The following ZNF470 variants were observed in gnomAD, a reference collection of about 807,000 sequenced individuals.
The protein encoded by ZNF470 is chondrogenesis zinc finger protein 1.
In ZNF470, 13 loss-of-function variants were observed where a neutral mutation model predicts 13.9. The observed-to-expected ratio is 0.94, with a 90% CI of 0.61 to 1.49. The LOEUF is 1.49. ZNF470 is among the 40% of genes most tolerant of loss of function. ZNF470 has a pLI of 0.00. For missense variants in ZNF470, 929 were observed against 857.3 expected (o/e 1.08, Z -1.04); for synonymous variants, 293 against 282.9 (o/e 1.04, Z -0.36).
chr19:56,574,147 C>T (rs961691147), intron 3 of ZNF470: 17 of 638,176 alleles, frequency 2.7e-5, no homozygotes, highest in Non-Finnish European at 3.5e-5. Context: ...TGTATTCTCG[C>T]CACCTAGAAT....
In ZNF470 at chr19:56,579,537, C is replaced by T. The variant is rs2044519712; in HGVS notation, c.*954C>T. Reference sequence around the variant, plus strand: ...TGAATAGATTAATAGCCATGAAACACTGAAAAGGGTAGTTCAATACTTTGG... The same window carrying T: ...TGAATAGATTAATAGCCATGAAACATTGAAAAGGGTAGTTCAATACTTTGG... On this transcript the variant is annotated 3_prime_UTR_variant, in exon 6 of 6. Coordinates refer to ENST00000330619, the MANE Select transcript of ZNF470 (RefSeq NM_001001668.4). 1 of 985,382 alleles carries T rather than the reference C, an allele frequency of 1.0e-6. No homozygotes were observed. Among genetic ancestry groups the T allele is most frequent in the Middle Eastern group, 5.2e-4 (1 of 1,914 alleles). The allele number at this position is 985,382 out of a possible 1,614,324, so 61.0% of individuals were successfully genotyped here. A position where few individuals can be genotyped will look rare whatever the true frequency, so the allele number is the denominator to read the frequency against.
In ZNF470 at chr19:56,580,313, GT is replaced by G; in HGVS notation, c.*1732del. ...GTTTAACAGAGATCATGGCAGTTAT[GT>G]TCACTCATATAAATGTTGATTTAGA... is the stretch of plus-strand genomic sequence containing the variant. On this transcript the variant is annotated 3_prime_UTR_variant, in exon 6 of 6. Coordinates refer to ENST00000330619, the MANE Select transcript of ZNF470 (RefSeq NM_001001668.4). 3.6e-6 allele frequency: 1 copy of G among 279,564 alleles called. No individual in the cohort carries two copies. Among genetic ancestry groups the G allele is most frequent in the Non-Finnish European group, 5.4e-6 (1 of 185,232 alleles). 17.3% of individuals were successfully genotyped at this position (279,564 alleles called of 1,614,324 possible).
At position 56,574,478 on chromosome 19, in the gene ZNF470, A is replaced by G. The variant is rs755303986; in HGVS notation, c.145A>G (p.Lys49Glu). 5 of 1,613,946 alleles carry G rather than the reference A, an allele frequency of 3.1e-6. No homozygotes were observed. Among genetic ancestry groups the G allele is most frequent in the Non-Finnish European group, 4.2e-6 (5 of 1,179,820 alleles). ...WLNLAQRSLYKKVMLENYRNL... is the reference protein window; with the variant it reads ...WLNLAQRSLYEKVMLENYRNL... The stretch of plus-strand genomic sequence containing the variant: ...GAATCTTGCTCAGAGAAGTTTGTAC[A>G]AGAAGGTGATGTTAGAAAACTACAG... Residue 49 changes from lysine (K) to glutamate (E), a missense_variant, in exon 4 of 6, where the codon AAG becomes GAG. Coordinates refer to ENST00000330619, the MANE Select transcript of ZNF470 (RefSeq NM_001001668.4).
intron 2 of ZNF470, among the ~76,000 whole-genome samples, chr19:56,569,805 A>G (rs988933124): frequency 6.6e-6 from 1 of 151,962 alleles, no homozygotes; most frequent in Non-Finnish European, 1.5e-5. Flanking sequence ...ATTGGGCAAT[A>G]TAGTGAGACC....
Position 56,579,073 on chromosome 19 carries a change from T to C in ZNF470, c.*490T>C, listed in dbSNP as rs974887093. The C allele has an allele frequency of 5.1e-6, 5 of 985,574 alleles. No homozygotes were observed. In the African/African-American group the frequency reaches 7.0e-5, roughly 14 times the overall value. 61.1% of individuals were successfully genotyped at this position (985,574 alleles called of 1,614,324 possible). A position where few individuals can be genotyped will look rare whatever the true frequency, so the allele number is the denominator to read the frequency against. Reference sequence around the variant, plus strand: ...CTTATCACTCCCTCTGTGACATTGTTGATGAGCAACTCTCACTTTACCTGA... The same window carrying C: ...CTTATCACTCCCTCTGTGACATTGTCGATGAGCAACTCTCACTTTACCTGA... On this transcript the variant is annotated 3_prime_UTR_variant, in exon 6 of 6. Coordinates refer to ENST00000330619, the MANE Select transcript of ZNF470 (RefSeq NM_001001668.4).
intron 3 of ZNF470, among the ~76,000 whole-genome samples, chr19:56,573,051 A>C (rs2044466334): frequency 1.3e-5 from 2 of 152,244 alleles, no homozygotes; most frequent in Admixed American, 6.5e-5. Context: ...TTAACTAAAC[A>C]GAACAGTATT....
rs1339720442 is a variant in ZNF470, at chr19:56,578,457, C to G, written c.2028C>G (p.Pro676=). The G allele has an allele frequency of 6.2e-7, 1 of 1,612,608 alleles. No individual in the cohort carries two copies. Among genetic ancestry groups the G allele is most frequent in the Non-Finnish European group, 8.5e-7 (1 of 1,179,342 alleles). ...LHKRIHTGER[P]YECKECGKAF... Reference sequence around the variant, plus strand: ...AGAGAATTCATACTGGAGAAAGGCCCTATGAGTGTAAAGAATGTGGAAAAG... The same window carrying G: ...AGAGAATTCATACTGGAGAAAGGCCGTATGAGTGTAAAGAATGTGGAAAAG... The change falls in exon 6 of 6, where the codon CCC becomes CCG. Residue 676 remains proline (P), a synonymous_variant. Transcript: ENST00000330619.
In ZNF470 at chr19:56,576,761, T is replaced by C. The variant is rs2044491230; in HGVS notation, c.332T>C (p.Ile111Thr). The change falls in exon 6 of 6, where the codon ATT becomes ACT. Residue 111 changes from isoleucine to threonine, a missense_variant. Ile to Thr is a moderately conservative substitution (Grantham distance 89, BLOSUM62 -1). Coordinates refer to ENST00000330619, the MANE Select transcript of ZNF470 (RefSeq NM_001001668.4). ...VTKSLSLNQD[I>T]YEEKLPPAII... ...AAATCATTATCTTTAAACCAGGATATTTATGAAGAAAAATTACCCCCGGCA... is the reference window on the plus strand; with the variant it reads ...AAATCATTATCTTTAAACCAGGATACTTATGAAGAAAAATTACCCCCGGCA... 6.6e-7 allele frequency: 1 copy of C among 1,520,806 alleles called. No homozygotes were observed. Among genetic ancestry groups the C allele is most frequent in the East Asian group, 2.3e-5 (1 of 43,866 alleles). The allele number at this position is 1,520,806 out of a possible 1,614,324, so 94.2% of individuals were successfully genotyped here. A position where few individuals can be genotyped will look rare whatever the true frequency, so the allele number is the denominator to read the frequency against.
rs1374856392 is a variant in ZNF470, at chr19:56,581,184, A to G, written c.*2601A>G. On this transcript the variant is annotated 3_prime_UTR_variant, in exon 6 of 6. Coordinates refer to ENST00000330619, the MANE Select transcript of ZNF470 (RefSeq NM_001001668.4). Reference sequence around the variant, plus strand: ...CTATTACAAACCAATAATAATCTGCAACTTAGAAAAATGGACTAATGTCCC... The same window carrying G: ...CTATTACAAACCAATAATAATCTGCGACTTAGAAAAATGGACTAATGTCCC... The G allele has an allele frequency of 1.4e-6, 1 of 731,408 alleles. No individual in the cohort carries two copies. Among genetic ancestry groups the G allele is most frequent in the African/African-American group, 1.9e-5 (1 of 51,868 alleles). 45.3% of individuals were successfully genotyped at this position (731,408 alleles called of 1,614,324 possible).
At chr19:56,574,318 C>G (rs775259782) in intron 3 of ZNF470, 76 bp from the exon 4 acceptor site, 11 of 1,603,958 alleles carry the variant, frequency 6.9e-6, no homozygotes, top group Non-Finnish European at 8.5e-6. Context: ...AAAGTGAGAA[C>G]AGCATAACTC....
rs532733663 is a variant in ZNF470 at position 56,577,170 on chromosome 19, A to G, written c.741A>G (p.Gln247=). The change falls in exon 6 of 6, where the codon CAA becomes CAG. Residue 247 remains glutamine, a synonymous_variant. Transcript: ENST00000330619. The stretch of plus-strand genomic sequence containing the variant: ...AAATCTCAACCCTTACTCTTCACCA[A>G]AGAATTCATACAGGAGAGAAACCCT... ...FSKISTLTLH[Q]RIHTGEKPYE... The G allele has an allele frequency of 5.3e-5, 86 of 1,613,462 alleles. No homozygotes were observed. The highest frequency in any genetic ancestry group is 6.4e-5 in the Non-Finnish European group (76 of 1,179,846).
chr19:56,576,846 G>A lies in ZNF470; in HGVS notation c.417G>A (p.Trp139Ter). Reference protein sequence around the residue: ...DLECSTLGKNWKCEDLFEREL... With the variant: ...DLECSTLGKN ...AATGTTCAACATTAGGGAAAAACTG[G>A]AAATGTGAAGACTTGTTTGAGAGGG... The change falls in exon 6 of 6, where the codon TGG becomes TGA. Residue 139 changes from tryptophan (W) to a stop codon, truncating the protein, a stop_gained. Coordinates refer to ENST00000330619, the MANE Select transcript of ZNF470 (RefSeq NM_001001668.4). LOFTEE classifies it low-confidence loss of function (END_TRUNC). 1 of 1,591,670 alleles carries A rather than the reference G, an allele frequency of 6.3e-7. No individual in the cohort carries two copies. Among genetic ancestry groups the A allele is most frequent in the South Asian group, 1.2e-5 (1 of 86,950 alleles).
Position 56,574,257 on chromosome 19 carries a change from G to A in ZNF470, c.61-137G>A, listed in dbSNP as rs374906367. On this transcript the variant is annotated intron_variant, in intron 3 of 5. Coordinates refer to ENST00000330619, the MANE Select transcript of ZNF470 (RefSeq NM_001001668.4). ...AGTTGTCCAATAACTTACCTGACCC[G>A]GATCATTTAGACCCTTAGTGCAGTT... The A allele has an allele frequency of 1.5e-5, 20 of 1,351,670 alleles. No homozygotes were observed. In the Middle Eastern group the frequency reaches 7.2e-4, roughly 49 times the overall value. 83.7% of individuals were successfully genotyped at this position (1,351,670 alleles called of 1,614,324 possible).
rs2044524270 is a variant in ZNF470, at chr19:56,580,101, A to G, written c.*1518A>G. The G allele has an allele frequency of 2.1e-6, 2 of 958,020 alleles. No individual in the cohort carries two copies. Among genetic ancestry groups the G allele is most frequent in the Non-Finnish European group, 2.5e-6 (2 of 805,152 alleles). 59.3% of individuals were successfully genotyped at this position (958,020 alleles called of 1,614,324 possible). A position where few individuals can be genotyped will look rare whatever the true frequency, so the allele number is the denominator to read the frequency against. ...GATATGTCCCATAAAGAGAAATGAT[A>G]TAAAAAAGAAGCTAGGGAGTGCTGG... On this transcript the variant is annotated 3_prime_UTR_variant, in exon 6 of 6. Coordinates refer to ENST00000330619, the MANE Select transcript of ZNF470 (RefSeq NM_001001668.4).
Position 56,578,587 on chromosome 19 carries a change from C to G in ZNF470, c.*4C>G. ...CCCATACCACCAAGTCCTATAGATT[C>G]AATCTCGTAAATGCTTCTAGCATCC... On this transcript the variant is annotated 3_prime_UTR_variant, in exon 6 of 6. Coordinates refer to ENST00000330619, the MANE Select transcript of ZNF470 (RefSeq NM_001001668.4). The G allele has an allele frequency of 6.6e-7, 1 of 1,510,256 alleles. No homozygotes were observed. Among genetic ancestry groups the G allele is most frequent in the South Asian group, 1.4e-5 (1 of 72,784 alleles). The allele number at this position is 1,510,256 out of a possible 1,614,324, so 93.6% of individuals were successfully genotyped here. A position where few individuals can be genotyped will look rare whatever the true frequency, so the allele number is the denominator to read the frequency against.
chr19:56,579,756 G>A lies in ZNF470; in HGVS notation c.*1173G>A, dbSNP rs2044521672. The stretch of plus-strand genomic sequence containing the variant: ...TTATTTTTAAAATATTTAAAAATAG[G>A]AAGGCTAGACATGCCTCTGTATAGA... On this transcript the variant is annotated 3_prime_UTR_variant, in exon 6 of 6. Coordinates refer to ENST00000330619, the MANE Select transcript of ZNF470 (RefSeq NM_001001668.4). 6.2e-6 allele frequency: 6 copies of A among 969,446 alleles called. No homozygotes were observed. In the South Asian group the frequency reaches 2.9e-4, roughly 46 times the overall value. 60.1% of individuals were successfully genotyped at this position (969,446 alleles called of 1,614,324 possible). A position where few individuals can be genotyped will look rare whatever the true frequency, so the allele number is the denominator to read the frequency against.
Position 56,577,976 on chromosome 19 carries a change from A to G in ZNF470, c.1547A>G (p.Lys516Arg). 1 of 1,613,504 alleles carries G rather than the reference A, an allele frequency of 6.2e-7. No homozygotes were observed. Among genetic ancestry groups the G allele is most frequent in the Non-Finnish European group, 8.5e-7 (1 of 1,179,514 alleles). Residue 516 changes from lysine to arginine, a missense_variant, in exon 6 of 6, where the codon AAA becomes AGA. By Grantham distance (26) the Lys-to-Arg change is conservative (BLOSUM62 2). Transcript: ENST00000330619. ...CCTTATGAATGTAAGGAATGCAGCA[A>G]AACCTTCAGCCAGAATGCACACCTC... ...EKPYECKECSKTFSQNAHLAQ... is the reference protein window; with the variant it reads ...EKPYECKECSRTFSQNAHLAQ...
chr19:56,570,354 T>C lies in ZNF470; in HGVS notation c.43T>C (p.Cys15Arg), dbSNP rs746254368. The change falls in exon 3 of 6, where the codon TGT (cysteine) becomes CGT (arginine). Residue 15 changes from cysteine to arginine, a missense_variant. Cys to Arg is a radical substitution (Grantham distance 180). Coordinates refer to ENST00000330619, the MANE Select transcript of ZNF470 (RefSeq NM_001001668.4). ...EEVEVAGIKL[C>R]KAMSLGSVTF... ...GGTAGAGGTGGCAGGAATTAAACTTTGTAAAGCCATGTCCCTGGTGAGTTA... is the reference window on the plus strand; with the variant it reads ...GGTAGAGGTGGCAGGAATTAAACTTCGTAAAGCCATGTCCCTGGTGAGTTA... 6 of 1,614,030 alleles carry C rather than the reference T, an allele frequency of 3.7e-6. No individual in the cohort carries two copies. Among genetic ancestry groups the C allele is most frequent in the Admixed American group, 3.3e-5 (2 of 60,010 alleles).
In ZNF470 at chr19:56,579,828, T is replaced by G. The variant is rs1052861004; in HGVS notation, c.*1245T>G. The G allele has an allele frequency of 2.4e-6, 2 of 826,096 alleles. No homozygotes were observed. The highest frequency in any genetic ancestry group is 1.9e-5 in the African/African-American group (1 of 53,914). The allele number at this position is 826,096 out of a possible 1,614,324, so 51.2% of individuals were successfully genotyped here. A position where few individuals can be genotyped will look rare whatever the true frequency, so the allele number is the denominator to read the frequency against. ...CCCTAAATTGTAAATTCATTGATAT[T>G]CCAGTAAAAATTTCCATATTTTTTT... On this transcript the variant is annotated 3_prime_UTR_variant, in exon 6 of 6. Coordinates refer to ENST00000330619, the MANE Select transcript of ZNF470 (RefSeq NM_001001668.4).
Sources: gnomAD v4.1 joint callset for allele counts (sites outside exome capture counted in the v4.1 genomes callset) on GRCh38, gnomAD v4.1.1 for gene constraint, MANE v1.5 for transcripts, NCBI Gene and HGNC (gene_info 2026-07-23, HGNC 2026-07-21) for gene names.